PRKN: variants seen among roughly 807,000 people sequenced by gnomAD.
PRKN encodes E3 ubiquitin-protein ligase parkin.
In PRKN, 56 loss-of-function variants were observed where a neutral mutation model predicts 59.5. The observed-to-expected ratio is 0.94, with a 90% CI of 0.76 to 1.18. The LOEUF (loss-of-function observed/expected upper bound fraction) is 1.18. PRKN is among the 50% of genes most tolerant of loss of function. The pLI is 0.00. For synonymous variants in PRKN, 250 were observed against 222.1 expected (o/e 1.13, Z -1.12); for missense variants, 657 against 596.4 (o/e 1.10, Z -1.06).
intron 4 of PRKN, among the ~76,000 whole-genome samples, chr6:162,054,969 C>A (rs1459708448): frequency 6.6e-6 from 1 of 152,148 alleles, no homozygotes; most frequent in Non-Finnish European, 1.5e-5. Flanking sequence ...CAAGACCAGT[C>A]TGACTAACAT....
chr6:162,154,187 T>G (rs1244962525), intron 4 of PRKN, among the ~76,000 whole-genome samples: 2 of 152,138 alleles, frequency 1.3e-5, no homozygotes, highest in Non-Finnish European at 2.9e-5. Context: ...TCAAAGCCAG[T>G]GCTGCTGAAG....
At chr6:162,426,230 A>C (rs1789231910) in intron 2 of PRKN, among the ~76,000 whole-genome samples, 1 of 152,210 alleles carries the variant, frequency 6.6e-6, no homozygotes, top group African/African-American at 2.4e-5. Flanking sequence ...GTGCAGGGAA[A>C]GACAAATAGA....
At chr6:161,543,544 C>T (rs1157419254) in intron 9 of PRKN, among the ~76,000 whole-genome samples, 1 of 152,174 alleles carries the variant, frequency 6.6e-6, no homozygotes, top group Non-Finnish European at 1.5e-5. Context: ...TGTTTAAGGA[C>T]AGAGTGACTG....
chr6:162,071,232 G>A (rs973551371), intron 4 of PRKN, among the ~76,000 whole-genome samples: 7 of 150,190 alleles, frequency 4.7e-5, no homozygotes, highest in Non-Finnish European at 7.4e-5. Context: ...GTGAAATGGG[G>A]GCAGAGACAG....
chr6:162,237,178 T>C (rs1322870141), intron 3 of PRKN, among the ~76,000 whole-genome samples: 2 of 152,198 alleles, frequency 1.3e-5, no homozygotes, highest in Admixed American at 6.5e-5. Flanking sequence ...GGTTGTTCCT[T>C]AGTCTCTCAT....
intron 7 of PRKN, among the ~76,000 whole-genome samples, chr6:161,691,268 G>A (rs1785781829): frequency 1.3e-5 from 2 of 152,168 alleles, no homozygotes; most frequent in Admixed American, 1.3e-4. Context: ...CCTGAGTTCA[G>A]TGCCTGGAAA....
intron 1 of PRKN, among the ~76,000 whole-genome samples, chr6:162,476,919 A>C (rs569518628): frequency 4.6e-5 from 7 of 152,240 alleles, no homozygotes; most frequent in African/African-American, 1.7e-4. Context: ...GGAGCTGAGG[A>C]GTAAGGCCAA....
At chr6:162,175,996 G>T (rs1468213560) in intron 4 of PRKN, among the ~76,000 whole-genome samples, 4 of 152,168 alleles carry the variant, frequency 2.6e-5, no homozygotes, top group Non-Finnish European at 4.4e-5. Flanking sequence ...GGTAGATTAT[G>T]GATTCTTTTA....
intron 3 of PRKN, among the ~76,000 whole-genome samples, chr6:162,225,179 C>T (rs796930546): frequency 4.6e-5 from 7 of 152,034 alleles, no homozygotes; most frequent in Non-Finnish European, 1.0e-4. Flanking sequence ...AAAGAGTGAC[C>T]GAACTTTATA....
At chr6:162,704,169 C>T (rs1205030400) in intron 1 of PRKN, among the ~76,000 whole-genome samples, 1 of 152,180 alleles carries the variant, frequency 6.6e-6, no homozygotes, top group East Asian at 1.9e-4. Flanking sequence ...ATAGCTGGAG[C>T]TGGCCATGCC....
At chr6:161,631,237 A>AT (rs1233590299) in intron 7 of PRKN, among the ~76,000 whole-genome samples, 1 of 152,192 alleles carries the variant, frequency 6.6e-6, no homozygotes, top group East Asian at 1.9e-4. Context: ...CATAGATAGA[A>AT]TTTTTTCTGA....
intron 2 of PRKN, among the ~76,000 whole-genome samples, chr6:162,308,842 C>T (rs1252946336): frequency 2.6e-5 from 4 of 152,036 alleles, no homozygotes; most frequent in Non-Finnish European, 5.9e-5. Flanking sequence ...TACTTATGTA[C>T]ATGAGAAAAA....
intron 7 of PRKN, among the ~76,000 whole-genome samples, chr6:161,690,958 AATCCATCCATCCATCC>A (rs35211075): frequency 6.2e-5 from 9 of 145,724 alleles, no homozygotes; most frequent in African/African-American, 1.3e-4. Context: ...TCGATTGAAC[AATCCATCCATCCATCC>A]ATCCATCCAT....
At chr6:161,939,687 G>A (rs1261661453) in intron 6 of PRKN, among the ~76,000 whole-genome samples, 3 of 151,840 alleles carry the variant, frequency 2.0e-5, no homozygotes, top group East Asian at 3.9e-4. Context: ...AGATGAGATC[G>A]TGTCATTGCA....
At chr6:161,416,737 G>T (rs529578507) in intron 9 of PRKN, among the ~76,000 whole-genome samples, 3 of 152,142 alleles carry the variant, frequency 2.0e-5, no homozygotes, top group Non-Finnish European at 4.4e-5. Flanking sequence ...ATGGTTCATG[G>T]TTCTGACCAT....
chr6:162,506,605 A>C (rs1204540363), intron 1 of PRKN, among the ~76,000 whole-genome samples: 1 of 152,196 alleles, frequency 6.6e-6, no homozygotes, highest in Non-Finnish European at 1.5e-5. Flanking sequence ...CTGGTGATTA[A>C]AGTTTAGGAA....
At chr6:161,382,662 C>T (rs1010429666) in intron 10 of PRKN, among the ~76,000 whole-genome samples, 2 of 152,218 alleles carry the variant, frequency 1.3e-5, no homozygotes, top group African/African-American at 4.8e-5. Flanking sequence ...GGACTGGACT[C>T]TCGTTAGTCT....
intron 1 of PRKN, among the ~76,000 whole-genome samples, chr6:162,556,419 CCTT>C (rs922320929): frequency 3.8e-5 from 5 of 132,412 alleles, no homozygotes; most frequent in Admixed American, 1.6e-4. Context: ...TTGGCAGACG[CCTT>C]CTTTTTTTTT....
At chr6:162,609,075 C>T (rs1782035755) in intron 1 of PRKN, among the ~76,000 whole-genome samples, 3 of 152,146 alleles carry the variant, frequency 2.0e-5, no homozygotes, top group African/African-American at 7.2e-5. Flanking sequence ...ACAAAGAGGA[C>T]CAACTTCCAG....
Sources: gnomAD v4.1 joint callset for allele counts (sites outside exome capture counted in the v4.1 genomes callset) on GRCh38, gnomAD v4.1.1 for gene constraint, MANE v1.5 for transcripts, NCBI Gene and HGNC (gene_info 2026-07-23, HGNC 2026-07-21) for gene names.